Variants in AMDHD1 observed in about 807,000 individuals in gnomAD.
AMDHD1 encodes probable imidazolonepropionase.
In AMDHD1, 45 loss-of-function variants were observed where a neutral mutation model predicts 44.1. That is an observed-to-expected ratio of 1.02 (90% confidence interval 0.80 to 1.31). The LOEUF (loss-of-function observed/expected upper bound fraction) is 1.31. Among genes scored for constraint, AMDHD1 ranks in the 50% most tolerant of loss-of-function variants. AMDHD1 has a pLI of 0.00. For synonymous variants in AMDHD1, 206 were observed against 205.0 expected, an observed-to-expected ratio of 1.00 and a Z score of -0.04; for missense variants, 586 against 552.1, an observed-to-expected ratio of 1.06 and a Z score of -0.61.
Position 95,948,389 on chromosome 12 carries a change from G to A in AMDHD1, c.138-4328G>A, listed in dbSNP as rs1267030613. On this transcript the variant is annotated intron_variant, in intron 1 of 8. Transcript: ENST00000266736. The stretch of plus-strand genomic sequence containing the variant: ...GGGGGTCAGCCCCCCTGCCCGGCCA[G>A]TGGCCCCGTCCGGGAGGTGAGGGGC... Among the ~76,000 whole-genome samples the A allele has an allele frequency of 1.9e-4, 12 of 62,992 alleles. 3 individuals are homozygous for A. The highest frequency in any genetic ancestry group is 0.011 in the Middle Eastern group (1 of 92). 41.3% of individuals were successfully genotyped at this position (62,992 alleles called of 152,430 possible). A position where few individuals can be genotyped will look rare whatever the true frequency, so the allele number is the denominator to read the frequency against.
chr12:95,955,805 C>T (rs940982507), intron 3 of AMDHD1, among the ~76,000 whole-genome samples: 7 of 152,174 alleles, frequency 4.6e-5, no homozygotes, highest in African/African-American at 1.7e-4. Context: ...CTCTGCACCA[C>T]ACTCCTTGCT....
At chr12:95,944,405 A>G (rs191169458) in intron 1 of AMDHD1, among the ~76,000 whole-genome samples, 2 of 150,880 alleles carry the variant, frequency 1.3e-5, no homozygotes, top group Non-Finnish European at 3.0e-5. Flanking sequence ...CGCCCAGCCT[A>G]TTTTTTGTTT....
At chr12:95,964,928 C>CAAAAAAAAAAAA (rs60076877) in intron 6 of AMDHD1, among the ~76,000 whole-genome samples, 1,666 of 35,654 alleles carry the variant, frequency 0.047, 464 homozygotes, top group African/African-American at 0.053. Flanking sequence ...ATGTTTGAGG[C>CAAAAAAAAAAAA]AAAAAAAAAA....
At chr12:95,963,642 T>C (rs915861775) in intron 6 of AMDHD1, among the ~76,000 whole-genome samples, 6 of 152,240 alleles carry the variant, frequency 3.9e-5, no homozygotes, top group African/African-American at 1.4e-4. Flanking sequence ...CAACGTCTTA[T>C]ACATTTCAAG....
At chr12:95,957,502 A>G (rs1461829928) in intron 4 of AMDHD1, among the ~76,000 whole-genome samples, 3 of 152,096 alleles carry the variant, frequency 2.0e-5, no homozygotes, top group Non-Finnish European at 2.9e-5. Context: ...CTGTACTTGC[A>G]TTTTATTTGT....
intron 4 of AMDHD1, among the ~76,000 whole-genome samples, chr12:95,958,150 G>A (rs1320160870): frequency 1.3e-5 from 2 of 151,854 alleles, no homozygotes; most frequent in Admixed American, 6.6e-5. Context: ...TGGCTAAATC[G>A]AACTAATTAA....
At chr12:95,961,502 C>T (rs1286376818) in intron 5 of AMDHD1, among the ~76,000 whole-genome samples, 1 of 152,236 alleles carries the variant, frequency 6.6e-6, no homozygotes, top group Non-Finnish European at 1.5e-5. Context: ...AAGCCTGAGA[C>T]CTAAATAAAC....
At chr12:95,964,032 T>TAAAAAAAGAAA (rs1193016069) in intron 6 of AMDHD1, among the ~76,000 whole-genome samples, 7 of 119,378 alleles carry the variant, frequency 5.9e-5, no homozygotes, top group African/African-American at 2.3e-4. Context: ...GATTCCATCT[T>TAAAAAAAGAAA]AAAAAAAAAA....
chr12:95,967,156 C>T (rs1199500639), intron 8 of AMDHD1, among the ~76,000 whole-genome samples: 2 of 152,146 alleles, frequency 1.3e-5, no homozygotes, highest in Non-Finnish European at 2.9e-5. Context: ...GTCAAGAGAG[C>T]GTGTGCAGGG....
Position 95,960,525 on chromosome 12 carries a change from G to A in AMDHD1, c.715G>A (p.Asp239Asn). Residue 239 changes from aspartate to asparagine, a missense_variant, in exon 5 of 9, where the codon GAT (aspartate) becomes AAT (asparagine). Asp to Asn is a conservative substitution (Grantham distance 23). Transcript: ENST00000266736. ...CGTATTTTGTGAGAAAGGTGTCTTTGATCTCGATTCCACCAGAAGGATTCT... is the reference window on the plus strand; with the variant it reads ...CGTATTTTGTGAGAAAGGTGTCTTTAATCTCGATTCCACCAGAAGGATTCT... ...IDVFCEKGVF[D>N]LDSTRRILQR... 1 of 1,614,210 alleles carries A rather than the reference G, an allele frequency of 6.2e-7. No individual in the cohort carries two copies. The highest frequency in any genetic ancestry group is 2.2e-5 in the East Asian group (1 of 44,884).
At chr12:95,948,372 G>GC (rs1358573386) in intron 1 of AMDHD1, among the ~76,000 whole-genome samples, 1 of 60,498 alleles carries the variant, frequency 1.7e-5, no homozygotes, top group African/African-American at 9.0e-5. Flanking sequence ...GGGGGGGTCA[G>GC]CCCCCCTGCC....
chr12:95,956,254 G>A (rs567420106), intron 3 of AMDHD1, among the ~76,000 whole-genome samples: 1 of 152,274 alleles, frequency 6.6e-6, no homozygotes, highest in East Asian at 1.9e-4. Flanking sequence ...GGCTACAGGC[G>A]TGTGCCACCA....
In AMDHD1 at chr12:95,943,475, T is replaced by A; in HGVS notation, c.77T>A (p.Leu26Gln). Residue 26 changes from leucine (L) to glutamine (Q), a missense_variant, in exon 1 of 9, where the codon CTG becomes CAG. Coordinates refer to ENST00000266736, the MANE Select transcript of AMDHD1 (RefSeq NM_152435.3). ...VLVCARGERF[L>Q]ARDALRSLAV... is the part of the protein sequence containing the mutation. ...GTGTGCGCCCGCGGCGAGCGCTTCC[T>A]GGCGCGGGATGCGCTGCGCAGCCTG... 1 of 1,503,438 alleles carries A rather than the reference T, an allele frequency of 6.7e-7. No homozygotes were observed. The highest frequency in any genetic ancestry group is 8.8e-7 in the Non-Finnish European group (1 of 1,130,626). 93.1% of individuals were successfully genotyped at this position (1,503,438 alleles called of 1,614,324 possible).
rs975522989 is a variant in AMDHD1, at chr12:95,943,463, G to A, written c.65G>A (p.Gly22Asp). 36 of 1,504,578 alleles carry A rather than the reference G, an allele frequency of 2.4e-5. No homozygotes were observed. The highest frequency in any genetic ancestry group is 3.2e-5 in the Non-Finnish European group (36 of 1,131,472). 93.2% of individuals were successfully genotyped at this position (1,504,578 alleles called of 1,614,324 possible). The stretch of plus-strand genomic sequence containing the variant: ...CAAGTGGTGCTGGTGTGCGCCCGCG[G>A]CGAGCGCTTCCTGGCGCGGGATGCG... ...AQQVVLVCAR[G>D]ERFLARDALR... Residue 22 changes from glycine (G) to aspartate (D), a missense_variant, in exon 1 of 9, where the codon GGC (glycine) becomes GAC (aspartate). Gly to Asp is a moderately conservative substitution (Grantham distance 94). Transcript: ENST00000266736.
At position 95,957,055 on chromosome 12, in the gene AMDHD1, G is replaced by A. The variant is rs1366181177; in HGVS notation, c.587+93G>A. 4 of 1,528,464 alleles carry A rather than the reference G, an allele frequency of 2.6e-6. No homozygotes were observed. In the African/African-American group the frequency reaches 4.1e-5, roughly 16 times the overall value. 94.7% of individuals were successfully genotyped at this position (1,528,464 alleles called of 1,614,324 possible). On this transcript the variant is annotated intron_variant, in intron 4 of 8. Coordinates refer to ENST00000266736, the MANE Select transcript of AMDHD1 (RefSeq NM_152435.3). ...GCATTAGCACTTTAGCTCTTGCAGG[G>A]AGATGGATAGAAGTCTTTGGAAAGA...
Position 95,960,476 on chromosome 12 carries a change from G to A in AMDHD1, c.666G>A (p.Gly222=). The A allele has an allele frequency of 6.2e-7, 1 of 1,614,176 alleles. No individual in the cohort carries two copies. The highest frequency in any genetic ancestry group is 8.5e-7 in the Non-Finnish European group (1 of 1,180,034). The change falls in exon 5 of 9, where the codon GGG becomes GGA. Residue 222 remains glycine (G), a synonymous_variant. Transcript: ENST00000266736. The stretch of plus-strand genomic sequence containing the variant: ...AGCTGAAGGAACTTGGCAGAAATGG[G>A]GAAATACACGTGGACAATATAGACG... The part of the protein sequence containing the change: ...LPKLKELGRN[G]EIHVDNIDVF...
chr12:95,963,632 C>G (rs2136770077), intron 6 of AMDHD1, among the ~76,000 whole-genome samples: 1 of 152,154 alleles, frequency 6.6e-6, no homozygotes, highest in East Asian at 1.9e-4. Flanking sequence ...TTGGTATGAC[C>G]AACGTCTTAT....
At chr12:95,958,693 AT>A (rs1476370198) in intron 4 of AMDHD1, among the ~76,000 whole-genome samples, 1 of 152,226 alleles carries the variant, frequency 6.6e-6, no homozygotes, top group Non-Finnish European at 1.5e-5. Context: ...TTTTCTGAAC[AT>A]GAATTACTCA....
chr12:95,951,841 A>G (rs1402837209), intron 1 of AMDHD1, among the ~76,000 whole-genome samples: 1 of 152,150 alleles, frequency 6.6e-6, no homozygotes, highest in African/African-American at 2.4e-5. Context: ...ATTGATGTTG[A>G]GCACCTTTTC....
Sources: allele counts gnomAD v4.1 joint callset (sites outside exome capture counted in the v4.1 genomes callset), GRCh38; gene constraint gnomAD v4.1.1; transcripts MANE v1.5; gene names NCBI Gene and HGNC (gene_info 2026-07-23, HGNC 2026-07-21).